The following EBF1 variants were observed in gnomAD, a reference collection of about 807,000 sequenced individuals.
EBF1 encodes the protein transcription factor COE1.
A neutral mutation model predicts 68.4 loss-of-function variants in EBF1; 10 were observed. The observed-to-expected ratio is 0.15, with a 90% CI of 0.09 to 0.25. The LOEUF is 0.25. Ranked by LOEUF, EBF1 falls within the 10% of genes least tolerant of loss-of-function variation. The pLI is 1.00. For missense variants in EBF1, 509 were observed against 794.4 expected, an observed-to-expected ratio of 0.64 and a Z score of 4.32; for synonymous variants, 298 against 299.8, an observed-to-expected ratio of 0.99 and a Z score of 0.06.
intron 6 of EBF1, among the ~76,000 whole-genome samples, chr5:158,841,377 G>C (rs1390796961): frequency 6.6e-6 from 1 of 152,166 alleles, no homozygotes. Flanking sequence ...GGGAAAAGAA[G>C]TATTTCCAAA....
At chr5:158,915,342 T>C (rs1212220519) in intron 6 of EBF1, among the ~76,000 whole-genome samples, 1 of 152,154 alleles carries the variant, frequency 6.6e-6, no homozygotes, top group African/African-American at 2.4e-5. Flanking sequence ...AAACACAAAT[T>C]TACCATTTCC....
At chr5:158,869,436 G>A (rs1187412039) in intron 6 of EBF1, among the ~76,000 whole-genome samples, 1 of 152,156 alleles carries the variant, frequency 6.6e-6, no homozygotes, top group Non-Finnish European at 1.5e-5. Flanking sequence ...GGTCACAGGA[G>A]GGAATACCCG....
intron 7 of EBF1, among the ~76,000 whole-genome samples, chr5:158,833,597 G>C (rs977336845): frequency 5.3e-5 from 8 of 152,178 alleles, no homozygotes; most frequent in African/African-American, 1.9e-4. Flanking sequence ...CTTTTAAAAA[G>C]CACATGGCAC....
At chr5:158,732,891 A>G (rs547395813) in intron 10 of EBF1, among the ~76,000 whole-genome samples, 1 of 152,302 alleles carries the variant, frequency 6.6e-6, no homozygotes, top group South Asian at 2.1e-4. Flanking sequence ...ATTTCCAAAC[A>G]GTAAACTTTC....
At chr5:159,041,080 C>A (rs766832373) in intron 6 of EBF1, among the ~76,000 whole-genome samples, 5 of 152,202 alleles carry the variant, frequency 3.3e-5, no homozygotes, top group Middle Eastern at 3.2e-3. Context: ...GGCAGACTTA[C>A]AATCCACAGT....
At chr5:158,875,479 C>T (rs1179433850) in intron 6 of EBF1, among the ~76,000 whole-genome samples, 4 of 152,098 alleles carry the variant, frequency 2.6e-5, no homozygotes. Context: ...CTAATTAGTC[C>T]TTGAGGAATA....
At chr5:159,068,218 T>C (rs1294797092) in intron 6 of EBF1, among the ~76,000 whole-genome samples, 1 of 152,180 alleles carries the variant, frequency 6.6e-6, no homozygotes, top group African/African-American at 2.4e-5. Context: ...TTGAGGACTT[T>C]ATGTGGATGA....
intron 10 of EBF1, among the ~76,000 whole-genome samples, chr5:158,760,591 G>A (rs530101221): frequency 4.6e-5 from 7 of 152,114 alleles, no homozygotes; most frequent in South Asian, 4.2e-4. Flanking sequence ...TCTCCCAGCC[G>A]CAACTATTCC....
intron 6 of EBF1, among the ~76,000 whole-genome samples, chr5:158,841,283 T>C: frequency 6.6e-6 from 1 of 152,310 alleles, no homozygotes; most frequent in African/African-American, 2.4e-5. Context: ...AAGTCTATCA[T>C]GGAAAAGCAG....
intron 6 of EBF1, among the ~76,000 whole-genome samples, chr5:158,955,099 C>T (rs1199073977): frequency 3.3e-5 from 5 of 152,022 alleles, no homozygotes; most frequent in East Asian, 3.9e-4. Flanking sequence ...CCGAGGAGGG[C>T]GGATCACGAG....
In EBF1 at chr5:158,947,134, G is replaced by A. The variant is rs569485967; in HGVS notation, c.555-107024C>T. 2.0e-5 allele frequency among the ~76,000 whole-genome samples: 3 copies of A among 152,296 alleles called. No homozygotes were observed. The South Asian group carries it at 6.2e-4, about 32-fold the overall frequency. On this transcript the variant is annotated intron_variant, in intron 6 of 15. Transcript: ENST00000313708. The stretch of plus-strand genomic sequence containing the variant: ...TTAGCTTGCTGGGCTCCATGGGGGT[G>A]GGATCCACTGAGCAAAACCACTTGG...
At chr5:158,871,654 T>C (rs187033283) in intron 6 of EBF1, among the ~76,000 whole-genome samples, 55 of 152,324 alleles carry the variant, frequency 3.6e-4, no homozygotes, top group Non-Finnish European at 6.0e-4. Flanking sequence ...GAAACAGGAA[T>C]GATAGAATCA....
chr5:158,881,745 T>C (rs940912570), intron 6 of EBF1, among the ~76,000 whole-genome samples: 3 of 152,170 alleles, frequency 2.0e-5, no homozygotes, highest in African/African-American at 7.2e-5. Context: ...TGGGGGATGT[T>C]TGCTTCCTTG....
At chr5:158,762,102 C>T (rs940282504) in intron 10 of EBF1, among the ~76,000 whole-genome samples, 7 of 152,066 alleles carry the variant, frequency 4.6e-5, no homozygotes, top group South Asian at 2.1e-4. Context: ...TACCTCAACC[C>T]CCATTTACAT....
intron 6 of EBF1, among the ~76,000 whole-genome samples, chr5:159,029,896 G>T (rs1360567220): frequency 6.6e-6 from 1 of 151,566 alleles, no homozygotes; most frequent in Non-Finnish European, 1.5e-5. Context: ...GGCAGAGGTT[G>T]CAGTGAGCCA....
chr5:158,984,766 A>ACT (rs1758680753), intron 6 of EBF1: 1 of 140,918 alleles, frequency 7.1e-6, no homozygotes, highest in Non-Finnish European at 1.5e-5. Context: ...AGCTCACTGC[A>ACT]GCCTCTGCCT....
intron 9 of EBF1, among the ~76,000 whole-genome samples, chr5:158,795,306 A>T (rs965890190): frequency 2.0e-5 from 3 of 152,198 alleles, no homozygotes; most frequent in African/African-American, 7.2e-5. Context: ...GGCTTTGGGC[A>T]GCTGCTCTCT....
At chr5:158,953,275 T>C (rs1464939453) in intron 6 of EBF1, among the ~76,000 whole-genome samples, 4 of 152,238 alleles carry the variant, frequency 2.6e-5, no homozygotes, top group Non-Finnish European at 1.5e-5. Context: ...AAGACTGTTT[T>C]AAGCAGTTGT....
At chr5:158,860,682 C>T (rs973453685) in intron 6 of EBF1, among the ~76,000 whole-genome samples, 9 of 152,208 alleles carry the variant, frequency 5.9e-5, no homozygotes, top group Non-Finnish European at 1.0e-4. Context: ...AGAATTGTTG[C>T]TTAAGGTTTG....
Sources: gnomAD v4.1 joint callset for allele counts (sites outside exome capture counted in the v4.1 genomes callset) on GRCh38, gnomAD v4.1.1 for gene constraint, MANE v1.5 for transcripts, NCBI Gene and HGNC (gene_info 2026-07-23, HGNC 2026-07-21) for gene names.